The following TENM2 variants were observed in gnomAD, a reference collection of about 807,000 sequenced individuals.
The protein encoded by TENM2 is teneurin transmembrane protein 2, also known as teneurin-2.
TENM2 carries 52 observed loss-of-function variants against 245.2 expected under a neutral mutation model. The ratio of observed to expected loss-of-function variants is 0.21; its 90% CI spans 0.17 to 0.27. The LOEUF is 0.27. Ranked by LOEUF, TENM2 falls within the 10% of genes least tolerant of loss-of-function variation. TENM2 has a pLI of 1.00. For missense variants in TENM2, 3,046 were observed against 3,666.8 expected, an observed-to-expected ratio of 0.83 and a Z score of 4.37; for synonymous variants, 1,363 against 1,438.9, an observed-to-expected ratio of 0.95 and a Z score of 1.19.
the TENM2 span, among the ~76,000 whole-genome samples, chr5:167,242,501 G>A: frequency 2.6e-5 from 4 of 151,948 alleles, no homozygotes; most frequent in Non-Finnish European, 5.9e-5. Context: ...CTTATACCTC[G>A]GTTTTCTTCC....
At chr5:167,951,292 G>T (rs908059132) in intron 3 of TENM2, among the ~76,000 whole-genome samples, 2 of 152,190 alleles carry the variant, frequency 1.3e-5, no homozygotes, top group Admixed American at 1.3e-4. Flanking sequence ...GATTTTTAAA[G>T]TTGGCAGGGG....
intron 14 of TENM2, among the ~76,000 whole-genome samples, chr5:168,191,907 A>G (rs1760998329): frequency 1.3e-5 from 2 of 152,168 alleles, no homozygotes; most frequent in South Asian, 2.1e-4. Context: ...GAGAGCCCCA[A>G]TTCCTGCAGC....
At chr5:167,872,637 G>A (rs762085194) in intron 2 of TENM2, among the ~76,000 whole-genome samples, 14 of 152,194 alleles carry the variant, frequency 9.2e-5, no homozygotes, top group Admixed American at 2.0e-4. Context: ...CGAAGTAATG[G>A]TAGGTACCAG....
intron 3 of TENM2, among the ~76,000 whole-genome samples, chr5:167,929,101 G>GAAAAGA (rs1268704869): frequency 1.9e-5 from 2 of 104,936 alleles, no homozygotes; most frequent in African/African-American, 7.6e-5. Context: ...AAGAAAGAAA[G>GAAAAGA]AAAGAAAGAA....
intron 2 of TENM2, among the ~76,000 whole-genome samples, chr5:167,718,182 A>C (rs375104236): frequency 6.6e-6 from 1 of 152,270 alleles, no homozygotes; most frequent in South Asian, 2.1e-4. Flanking sequence ...GGGATCTATC[A>C]CCCAATTTAT....
chr5:167,976,743 A>G (rs1388206367), intron 4 of TENM2, among the ~76,000 whole-genome samples: 1 of 152,220 alleles, frequency 6.6e-6, no homozygotes, highest in Non-Finnish European at 1.5e-5. Context: ...GTACATAAGT[A>G]CTGTTTATAA....
At chr5:167,600,852 C>T (rs1351499502) in intron 2 of TENM2, among the ~76,000 whole-genome samples, 1 of 152,196 alleles carries the variant, frequency 6.6e-6, no homozygotes, top group East Asian at 1.9e-4. Flanking sequence ...ACAGATGAGA[C>T]TGTGGAAAAT....
chr5:168,052,317 G>T (rs1047435581), intron 6 of TENM2, among the ~76,000 whole-genome samples: 6 of 151,882 alleles, frequency 4.0e-5, no homozygotes, highest in African/African-American at 1.5e-4. Context: ...CGTGAACCCA[G>T]GAGGCGGAGC....
chr5:168,025,886 G>C (rs1786576554), intron 5 of TENM2, among the ~76,000 whole-genome samples: 1 of 152,138 alleles, frequency 6.6e-6, no homozygotes, highest in Non-Finnish European at 1.5e-5. Flanking sequence ...GCGTCCTGAG[G>C]TTGGAATTAA....
intron 2 of TENM2, among the ~76,000 whole-genome samples, chr5:167,553,768 T>TG (rs1773099342): frequency 6.6e-6 from 1 of 152,108 alleles, no homozygotes; most frequent in African/African-American, 2.4e-5. Flanking sequence ...ACCAAGCTGT[T>TG]GGGGTAGAGG....
the TENM2 span, among the ~76,000 whole-genome samples, chr5:166,990,822 G>C: frequency 6.6e-6 from 1 of 152,060 alleles, no homozygotes; most frequent in Non-Finnish European, 1.5e-5. Context: ...TGATAGCTTT[G>C]AGAATTTGTT....
intron 2 of TENM2, among the ~76,000 whole-genome samples, chr5:167,419,739 T>C (rs1073193): frequency 0.42 from 63,580 of 152,152 alleles, 14,495 homozygotes; most frequent in Non-Finnish European, 0.49. Context: ...TTTAAATGAG[T>C]TATGCAACTT....
At chr5:167,446,366 A>G (rs1007815570) in intron 2 of TENM2, among the ~76,000 whole-genome samples, 3 of 152,118 alleles carry the variant, frequency 2.0e-5, no homozygotes, top group African/African-American at 7.2e-5. Flanking sequence ...GAAGAGATCT[A>G]CACATACAAA....
intron 2 of TENM2, among the ~76,000 whole-genome samples, chr5:167,772,034 GGCTTCCTTTTCTTCTGT>G (rs1763437291): frequency 6.6e-6 from 1 of 152,110 alleles, no homozygotes; most frequent in African/African-American, 2.4e-5. Context: ...TGCAACTCCA[GGCTTCCTTTTCTTCTGT>G]GAAAGCTTCC....
At position 167,420,720 on chromosome 5, in the gene TENM2, G is replaced by A. The variant is rs867294677; in HGVS notation, c.502+45247G>A. ...CATCCCTGTTTTATCATGATACCTC[G>A]TCTTTTTCCGACAGCACCATCATTC... On this transcript the variant is annotated intron_variant, in intron 2 of 28. Coordinates refer to ENST00000518659, the Ensembl canonical transcript of TENM2. Among the ~76,000 whole-genome samples, 88 of 152,064 alleles carry A rather than the reference G, an allele frequency of 5.8e-4. 1 individual carries two copies. The highest frequency in any genetic ancestry group is 1.6e-3 in the African/African-American group (68 of 41,496).
chr5:168,044,352 T>C lies in TENM2; in HGVS notation c.1187-3075T>C, dbSNP rs373969069. 2.0e-4 allele frequency among the ~76,000 whole-genome samples: 30 copies of C among 152,272 alleles called. 1 individual carries two copies. In the East Asian group the frequency reaches 4.8e-3, roughly 24 times the overall value. On this transcript the variant is annotated intron_variant, in intron 5 of 28. Coordinates refer to ENST00000518659, the Ensembl canonical transcript of TENM2. ...ATGGCCTGAACCCAGGAGGCAGAGC[T>C]TGCAGTGAGCCTAGATAGCGCCACT...
chr5:166,983,097 A>C, the TENM2 span, among the ~76,000 whole-genome samples: 3 of 152,132 alleles, frequency 2.0e-5, no homozygotes, highest in Non-Finnish European at 4.4e-5. Context: ...AACATAAACC[A>C]CTACTTAACA....
chr5:167,578,472 C>A (rs1258384362), intron 2 of TENM2, among the ~76,000 whole-genome samples: 3 of 152,180 alleles, frequency 2.0e-5, no homozygotes, highest in Non-Finnish European at 4.4e-5. Flanking sequence ...GTCATGCCCT[C>A]ATTAGACAGG....
At chr5:167,282,840 T>A (rs1317426399), upstream of TENM2, among the ~76,000 whole-genome samples, 1 of 152,094 alleles carries the variant, frequency 6.6e-6, no homozygotes, top group Non-Finnish European at 1.5e-5. Context: ...ACACTTGAAC[T>A]GACTATGCCA....
Sources: allele counts gnomAD v4.1 joint callset (sites outside exome capture counted in the v4.1 genomes callset), GRCh38; gene constraint gnomAD v4.1.1; transcripts MANE v1.5; gene names NCBI Gene and HGNC (gene_info 2026-07-23, HGNC 2026-07-21).